STXBP6: variants seen among roughly 807,000 people sequenced by gnomAD.
STXBP6 encodes the protein syntaxin binding protein 6.
Under a neutral mutation model 26.9 loss-of-function variants are expected in STXBP6, and 21 were observed. That is an observed-to-expected ratio of 0.78 (90% confidence interval 0.55 to 1.12). STXBP6 has a LOEUF of 1.12. Ranked by LOEUF, STXBP6 falls within the 50% of genes most tolerant of loss-of-function variation. STXBP6 has a pLI of 0.00. For synonymous variants in STXBP6, 97 were observed against 92.6 expected, an observed-to-expected ratio of 1.05 and a Z score of -0.27; for missense variants, 232 against 257.9, an observed-to-expected ratio of 0.90 and a Z score of 0.69.
chr14:24,962,483 C>T (rs2073581664), intron 2 of STXBP6, among the ~76,000 whole-genome samples: 1 of 151,932 alleles, frequency 6.6e-6, no homozygotes, highest in African/African-American at 2.4e-5. Context: ...GCACACGCCA[C>T]TACACCTGGC....
chr14:24,832,232 T>G (rs143190340), intron 4 of STXBP6, among the ~76,000 whole-genome samples: 1 of 152,272 alleles, frequency 6.6e-6, no homozygotes, highest in East Asian at 1.9e-4. Context: ...ATTTCAAGTT[T>G]GGGTCATTAT....
chr14:24,967,954 C>T (rs77468288), intron 2 of STXBP6, among the ~76,000 whole-genome samples: 2,406 of 152,186 alleles, frequency 0.016, 58 homozygotes, highest in African/African-American at 0.055. Context: ...TCTGACTCTG[C>T]CACTTCCAAA....
At chr14:24,858,553 GTCA>G (rs1401414937) in intron 2 of STXBP6, among the ~76,000 whole-genome samples, 1 of 152,088 alleles carries the variant, frequency 6.6e-6, no homozygotes, top group Non-Finnish European at 1.5e-5. Context: ...TGATTAAGAA[GTCA>G]TCATCCCCTT....
intron 2 of STXBP6, among the ~76,000 whole-genome samples, chr14:24,881,688 C>A (rs1257577937): frequency 6.6e-6 from 1 of 152,146 alleles, no homozygotes; most frequent in Non-Finnish European, 1.5e-5. Flanking sequence ...CAATGACAAG[C>A]ATACATTTTT....
At chr14:24,914,229 A>G (rs945747445) in intron 2 of STXBP6, among the ~76,000 whole-genome samples, 3 of 152,168 alleles carry the variant, frequency 2.0e-5, no homozygotes, top group African/African-American at 4.8e-5. Context: ...GTCACAAGAT[A>G]TATTTTAAAA....
chr14:24,960,177 T>C (rs940509218), intron 2 of STXBP6, among the ~76,000 whole-genome samples: 4 of 152,166 alleles, frequency 2.6e-5, no homozygotes, highest in African/African-American at 9.6e-5. Context: ...GGGGGCAGAT[T>C]GAGAGCAAGG....
intron 2 of STXBP6, among the ~76,000 whole-genome samples, chr14:24,872,138 C>T (rs1300775287): frequency 6.6e-6 from 1 of 152,132 alleles, no homozygotes; most frequent in Non-Finnish European, 1.5e-5. Context: ...CTTACTTTTT[C>T]AAACAGAAAT....
intron 4 of STXBP6, among the ~76,000 whole-genome samples, chr14:24,845,022 T>A (rs2068908908): frequency 6.6e-6 from 1 of 151,980 alleles, no homozygotes; most frequent in Non-Finnish European, 1.5e-5. Context: ...AAGCTTTTTT[T>A]TTTTTTTGAG....
At chr14:24,836,281 C>T (rs779614083) in intron 4 of STXBP6, among the ~76,000 whole-genome samples, 8 of 152,104 alleles carry the variant, frequency 5.3e-5, no homozygotes, top group African/African-American at 1.7e-4. Context: ...AGATAAATAG[C>T]GTTTGAAAAT....
intron 1 of STXBP6, among the ~76,000 whole-genome samples, chr14:24,980,717 AG>A (rs2074167223): frequency 6.6e-6 from 1 of 152,248 alleles, no homozygotes; most frequent in African/African-American, 2.4e-5. Context: ...TTACAAAATT[AG>A]GGTAAAATCA....
intron 1 of STXBP6, among the ~76,000 whole-genome samples, chr14:24,995,704 C>T (rs1294148112): frequency 6.6e-6 from 1 of 152,118 alleles, no homozygotes; most frequent in Admixed American, 6.5e-5. Context: ...AAACTTCTAT[C>T]TCTGGGATTC....
chr14:25,026,961 G>T (rs2075360719), intron 1 of STXBP6, among the ~76,000 whole-genome samples: 1 of 152,200 alleles, frequency 6.6e-6, no homozygotes, highest in African/African-American at 2.4e-5. Context: ...AAGACTGATT[G>T]CAAGCATGCA....
At chr14:24,982,351 T>C (rs2074218112) in intron 1 of STXBP6, among the ~76,000 whole-genome samples, 2 of 152,192 alleles carry the variant, frequency 1.3e-5, no homozygotes, top group Non-Finnish European at 2.9e-5. Flanking sequence ...GCTTAGAAGA[T>C]AACTTTGTAG....
At chr14:24,864,195 C>T (rs2069638823) in intron 2 of STXBP6, among the ~76,000 whole-genome samples, 1 of 152,078 alleles carries the variant, frequency 6.6e-6, no homozygotes, top group South Asian at 2.1e-4. Context: ...AAAGTCACGG[C>T]CAACTGACTC....
chr14:24,857,098 T>C lies in STXBP6; in HGVS notation c.214A>G (p.Thr72Ala), dbSNP rs745888402. ...CACTGTGATCTCCGAACAAATGATG[T>C]GGAGCCTTCAAACTGTTTGACCTTT... ...ITKVKQFEGS[T>A]SFVRRSQWML... is the part of the protein sequence containing the mutation. Residue 72 changes from threonine to alanine, a missense_variant, in exon 3 of 6, where the codon ACA becomes GCA. By Grantham distance (58) the Thr-to-Ala change is moderately conservative. Coordinates refer to ENST00000323944, the MANE Select transcript of STXBP6 (RefSeq NM_001394410.1). The C allele has an allele frequency of 1.9e-6, 3 of 1,612,936 alleles. No homozygotes were observed. Among genetic ancestry groups the C allele is most frequent in the East Asian group, 2.2e-5 (1 of 44,866 alleles).
chr14:24,945,194 G>A (rs2072944876), intron 2 of STXBP6, among the ~76,000 whole-genome samples: 1 of 112,696 alleles, frequency 8.9e-6, no homozygotes, highest in Non-Finnish European at 1.7e-5. Context: ...CACTTTCACA[G>A]ATCATGGTTT....
chr14:24,883,674 C>CAAA (rs11383745), intron 2 of STXBP6, among the ~76,000 whole-genome samples: 47 of 151,706 alleles, frequency 3.1e-4, no homozygotes, highest in African/African-American at 6.8e-4. Context: ...CTATTTATTA[C>CAAA]AAAAAAAATG....
intron 2 of STXBP6, among the ~76,000 whole-genome samples, chr14:24,905,007 ATG>A (rs2071339852): frequency 6.6e-6 from 1 of 152,192 alleles, no homozygotes; most frequent in South Asian, 2.1e-4. Context: ...ACTAGTGACA[ATG>A]TGGCCTTGGG....
chr14:24,955,562 C>T (rs2073315821), intron 2 of STXBP6, among the ~76,000 whole-genome samples: 2 of 152,156 alleles, frequency 1.3e-5, no homozygotes, highest in Non-Finnish European at 2.9e-5. Flanking sequence ...AGGGTGAACC[C>T]ATTAATCACT....
Sources: gnomAD v4.1 joint callset for allele counts (sites outside exome capture counted in the v4.1 genomes callset) on GRCh38, gnomAD v4.1.1 for gene constraint, MANE v1.5 for transcripts, NCBI Gene and HGNC (gene_info 2026-07-23, HGNC 2026-07-21) for gene names.